Variants in CSMD1 observed in about 807,000 individuals in gnomAD.
CSMD1 encodes the protein CUB and sushi domain-containing protein 1.
A neutral mutation model predicts 417.5 loss-of-function variants in CSMD1; 213 were observed. The observed-to-expected ratio is 0.51, with a 90% confidence interval of 0.46 to 0.57. CSMD1 has a LOEUF of 0.57. CSMD1 is among the 20% of genes least tolerant of loss of function. CSMD1 has a pLI of 0.00. For synonymous variants in CSMD1, 2,862 were observed against 1,736.8 expected (o/e 1.65, Z -16.11); for missense variants, 6,923 against 4,529.7 (o/e 1.53, Z -15.17).
At chr8:4,246,270 G>A (rs780392826) in intron 3 of CSMD1, among the ~76,000 whole-genome samples, 1 of 152,058 alleles carries the variant, frequency 6.6e-6, no homozygotes, top group African/African-American at 2.4e-5. Context: ...GATAACTTGT[G>A]CTATTTGGTT....
intron 41 of CSMD1, among the ~76,000 whole-genome samples, chr8:3,119,051 G>A (rs1817033239): frequency 6.6e-6 from 1 of 151,948 alleles, no homozygotes; most frequent in Admixed American, 6.6e-5. Flanking sequence ...GTGGTGGCGG[G>A]CGCCTGTAGT....
intron 65 of CSMD1, among the ~76,000 whole-genome samples, chr8:2,953,471 G>C (rs1457816394): frequency 1.4e-5 from 2 of 143,266 alleles, no homozygotes; most frequent in Admixed American, 6.9e-5. Context: ...AAAAAAAACA[G>C]TGTTAAAACC....
At position 4,556,078 on chromosome 8, in the gene CSMD1, A is replaced by G. The variant is rs367784453; in HGVS notation, c.302+81264T>C. 2.0e-4 allele frequency among the ~76,000 whole-genome samples: 30 copies of G among 152,228 alleles called. No individual in the cohort carries two copies. The East Asian group carries it at 2.7e-3, about 14-fold the overall frequency. ...ATTTTAGTTTAAATTTCTCGAATTT[A>G]CTTAGGGAATGTTTGCATCAAATGG... On this transcript the variant is annotated intron_variant, in intron 2 of 69. Transcript: ENST00000635120.
chr8:4,469,385 G>A (rs1483131555), intron 2 of CSMD1, among the ~76,000 whole-genome samples: 2 of 152,162 alleles, frequency 1.3e-5, no homozygotes, highest in South Asian at 2.1e-4. Flanking sequence ...GTGCAAAACG[G>A]CTGGTGTCAG....
intron 3 of CSMD1, among the ~76,000 whole-genome samples, chr8:4,057,433 G>C (rs1024248266): frequency 2.0e-5 from 3 of 152,092 alleles, no homozygotes; most frequent in African/African-American, 7.2e-5. Context: ...CTGGATGTTA[G>C]CCCTTTGTCA....
chr8:4,943,520 A>T (rs1240310158), intron 1 of CSMD1, among the ~76,000 whole-genome samples: 1 of 104,606 alleles, frequency 9.6e-6, no homozygotes, highest in African/African-American at 2.8e-5. Flanking sequence ...AAATAAAATA[A>T]AATAAAATAA....
chr8:4,816,374 C>A (rs898701155), intron 1 of CSMD1, among the ~76,000 whole-genome samples: 10 of 151,148 alleles, frequency 6.6e-5, no homozygotes, highest in Non-Finnish European at 1.5e-5. Context: ...TAGTACAAAG[C>A]GGGAGATGGG....
chr8:4,661,919 C>A, intron 1 of CSMD1, among the ~76,000 whole-genome samples: 1 of 152,088 alleles, frequency 6.6e-6, no homozygotes, highest in Admixed American at 6.5e-5. Flanking sequence ...CAATCAGTAT[C>A]TTTTAATAGG....
intron 3 of CSMD1, among the ~76,000 whole-genome samples, chr8:4,366,495 A>C (rs146708276): frequency 6.6e-6 from 1 of 152,156 alleles, no homozygotes; most frequent in East Asian, 1.9e-4. Flanking sequence ...TTCTTCGATA[A>C]AACTCCACAG....
intron 1 of CSMD1, among the ~76,000 whole-genome samples, chr8:4,972,624 G>A (rs1352026769): frequency 1.3e-5 from 2 of 152,112 alleles, no homozygotes; most frequent in African/African-American, 4.8e-5. Flanking sequence ...ATAGCAGTAT[G>A]AAAATGAACT....
At chr8:3,562,267 CA>C (rs1198862410) in intron 10 of CSMD1, among the ~76,000 whole-genome samples, 2 of 151,764 alleles carry the variant, frequency 1.3e-5, no homozygotes, top group Non-Finnish European at 2.9e-5. Flanking sequence ...ATGGAGGCCA[CA>C]AAACATCAAC....
chr8:3,354,942 TAGAG>T (rs1454225436), intron 21 of CSMD1, among the ~76,000 whole-genome samples: 37 of 151,230 alleles, frequency 2.4e-4, no homozygotes, highest in Admixed American at 4.6e-4. Context: ...TAGATATATA[TAGAG>T]AGACAGAGAA....
intron 1 of CSMD1, among the ~76,000 whole-genome samples, chr8:4,715,266 C>G (rs1808581300): frequency 6.6e-6 from 1 of 152,106 alleles, no homozygotes. Flanking sequence ...TTGGCTCTGA[C>G]AAAATTATTA....
intron 10 of CSMD1, among the ~76,000 whole-genome samples, chr8:3,549,908 C>G (rs1171229028): frequency 6.6e-6 from 1 of 152,114 alleles, no homozygotes; most frequent in Non-Finnish European, 1.5e-5. Context: ...ATAAATAAGT[C>G]AACAAGCAGA....
intron 3 of CSMD1, among the ~76,000 whole-genome samples, chr8:4,098,891 C>A (rs552878978): frequency 6.6e-6 from 1 of 152,126 alleles, no homozygotes; most frequent in Non-Finnish European, 1.5e-5. Context: ...GCACTGAGGA[C>A]CAACTGTGGG....
chr8:4,252,657 G>T (rs1463040730), intron 3 of CSMD1, among the ~76,000 whole-genome samples: 4 of 152,180 alleles, frequency 2.6e-5, no homozygotes, highest in Admixed American at 6.5e-5. Flanking sequence ...TTTAAAAATG[G>T]AACAGGCTTT....
intron 2 of CSMD1, among the ~76,000 whole-genome samples, chr8:4,597,700 G>A (rs544570575): frequency 2.6e-5 from 4 of 152,138 alleles, no homozygotes; most frequent in African/African-American, 7.2e-5. Context: ...TAACTCCTTT[G>A]GACCATCATG....
chr8:4,170,549 T>C (rs993642696), intron 3 of CSMD1, among the ~76,000 whole-genome samples: 6 of 151,920 alleles, frequency 3.9e-5, no homozygotes, highest in African/African-American at 1.2e-4. Flanking sequence ...TATTGGAATA[T>C]GGAACATGGA....
intron 49 of CSMD1, among the ~76,000 whole-genome samples, chr8:3,071,679 T>A (rs1233431656): frequency 6.6e-6 from 1 of 152,196 alleles, no homozygotes; most frequent in African/African-American, 2.4e-5. Flanking sequence ...TAAGGCTTTT[T>A]GGAAAATGTG....
Sources: allele counts gnomAD v4.1 joint callset (sites outside exome capture counted in the v4.1 genomes callset), GRCh38; gene constraint gnomAD v4.1.1; transcripts MANE v1.5; gene names NCBI Gene and HGNC (gene_info 2026-07-23, HGNC 2026-07-21).